The following UNC93A variants were observed in gnomAD, a reference collection of about 807,000 sequenced individuals.
UNC93A encodes unc-93 homolog A.
Under a neutral mutation model 47.5 loss-of-function variants are expected in UNC93A, and 43 were observed. The observed-to-expected ratio is 0.91, with a 90% confidence interval of 0.71 to 1.17. The LOEUF (loss-of-function observed/expected upper bound fraction) is 1.17. UNC93A is among the 50% of genes most tolerant of loss of function. UNC93A has a pLI of 0.00. For synonymous variants in UNC93A, 280 were observed against 258.0 expected (o/e 1.09, Z -0.82); for missense variants, 605 against 577.6 (o/e 1.05, Z -0.49).
At chr6:167,275,632 G>C (rs895487745) in intron 1 of UNC93A, among the ~76,000 whole-genome samples, 5 of 152,206 alleles carry the variant, frequency 3.3e-5, no homozygotes, top group African/African-American at 1.2e-4. Context: ...GGCAGGCCTG[G>C]CTCTGCATGA....
chr6:167,296,198 C>T lies in UNC93A; in HGVS notation c.436C>T (p.Gln146Ter), dbSNP rs267600892. 2.5e-6 allele frequency: 4 copies of T among 1,614,226 alleles called. No homozygotes were observed. The highest frequency in any genetic ancestry group is 3.4e-6 in the Non-Finnish European group (4 of 1,180,048). The change falls in exon 3 of 8, where the codon CAG becomes TAG. Residue 146 changes from glutamine to a stop codon, truncating the protein, a stop_gained. Transcript: ENST00000230256. LOFTEE classifies it high-confidence loss of function. ...TTTTGGCATCTTCTTCCTCATATTC[C>T]AGTCATCCGGTGTGTGGGGCAACTT... ...QYFGIFFLIF[Q>*]SSGVWGNLIS...
Position 167,291,482 on chromosome 6 carries a change from C to T in UNC93A, c.-8C>T. On this transcript the variant is annotated 5_prime_UTR_variant, in exon 1 of 8. Coordinates refer to ENST00000230256, the MANE Select transcript of UNC93A (RefSeq NM_018974.4). ...GTTCACTGGTGATTGATCTTTTCATCCAGCACAATGGACAGAAGTCTAAGG... is the reference window on the plus strand; with the variant it reads ...GTTCACTGGTGATTGATCTTTTCATTCAGCACAATGGACAGAAGTCTAAGG... 2 of 1,609,968 alleles carry T rather than the reference C, an allele frequency of 1.2e-6. No individual in the cohort carries two copies. Among genetic ancestry groups the T allele is most frequent in the Non-Finnish European group, 1.7e-6 (2 of 1,178,892 alleles).
intron 7 of UNC93A, among the ~76,000 whole-genome samples, chr6:167,310,140 G>A: frequency 6.6e-6 from 1 of 152,236 alleles, no homozygotes; most frequent in Non-Finnish European, 1.5e-5. Flanking sequence ...TCCCCTGGAT[G>A]TGTGGCAGAG....
chr6:167,309,526 C>T (rs1379724592), intron 7 of UNC93A, among the ~76,000 whole-genome samples: 1 of 152,036 alleles, frequency 6.6e-6, no homozygotes, highest in African/African-American at 2.4e-5. Flanking sequence ...CACATGAGAC[C>T]CTCTTCCCTT....
upstream of UNC93A, among the ~76,000 whole-genome samples, chr6:167,286,941 G>T (rs1161713528): frequency 1.5e-5 from 2 of 137,058 alleles, no homozygotes; most frequent in South Asian, 2.3e-4. Context: ...TCGCGCCACT[G>T]CACTCCAGCC....
At chr6:167,295,091 G>A (rs1019774091) in intron 2 of UNC93A, among the ~76,000 whole-genome samples, 2 of 152,254 alleles carry the variant, frequency 1.3e-5, no homozygotes, top group African/African-American at 2.4e-5. Context: ...GCTGCACCTC[G>A]CCCACCATTA....
chr6:167,291,323 G>A lies in UNC93A; in HGVS notation c.-167G>A, dbSNP rs1453677368. 1.1e-5 allele frequency: 6 copies of A among 534,104 alleles called. No homozygotes were observed. Among genetic ancestry groups the A allele is most frequent in the Non-Finnish European group, 1.9e-5 (6 of 308,860 alleles). 33.1% of individuals were successfully genotyped at this position (534,104 alleles called of 1,614,324 possible). A position where few individuals can be genotyped will look rare whatever the true frequency, so the allele number is the denominator to read the frequency against. On this transcript the variant is annotated 5_prime_UTR_variant, in exon 1 of 8. In the 5' UTR this introduces an upstream ATG that the reference lacks. Transcript: ENST00000230256. ...CAGTGATAACCAAGTTCATTAACGA[G>A]TGACAGTCTTAATGACTAACACACC...
intron 7 of UNC93A, among the ~76,000 whole-genome samples, chr6:167,313,203 C>A (rs1380246215): frequency 6.6e-6 from 1 of 152,176 alleles, no homozygotes; most frequent in South Asian, 2.1e-4. Flanking sequence ...CCTTCTGGGT[C>A]CCCAAGTCCT....
At chr6:167,302,506 CAG>C (rs1475765352) in intron 4 of UNC93A, among the ~76,000 whole-genome samples, 4 of 152,092 alleles carry the variant, frequency 2.6e-5, no homozygotes, top group Non-Finnish European at 5.9e-5. Context: ...GGGAGGAAAA[CAG>C]TGGAGATGCA....
chr6:167,292,901 CA>C (rs1783873221), intron 1 of UNC93A, among the ~76,000 whole-genome samples: 1 of 152,020 alleles, frequency 6.6e-6, no homozygotes, highest in African/African-American at 2.4e-5. Context: ...CTGGGGTCAG[CA>C]TTCCTAGGAA....
chr6:167,274,447 G>A (rs1290858572), intron 1 of UNC93A, among the ~76,000 whole-genome samples: 1 of 152,148 alleles, frequency 6.6e-6, no homozygotes, highest in East Asian at 1.9e-4. Context: ...TCTTCAGGAA[G>A]CGTCATCCTG....
chr6:167,292,535 T>C (rs1271291725), intron 1 of UNC93A, among the ~76,000 whole-genome samples: 1 of 152,186 alleles, frequency 6.6e-6, no homozygotes, highest in East Asian at 1.9e-4. Flanking sequence ...AAGTAATGTT[T>C]CCTTTTGCTG....
chr6:167,275,041 T>C (rs1783516560), intron 1 of UNC93A, among the ~76,000 whole-genome samples: 1 of 152,198 alleles, frequency 6.6e-6, no homozygotes, highest in African/African-American at 2.4e-5. Flanking sequence ...GCTTTTCCAA[T>C]GGCAGCAACA....
At chr6:167,285,929 T>C (rs966976405) in intron 1 of UNC93A, among the ~76,000 whole-genome samples, 15 of 145,270 alleles carry the variant, frequency 1.0e-4, no homozygotes, top group African/African-American at 3.9e-4. Flanking sequence ...AGTGAAGAGT[T>C]AGTTTTCTTT....
rs79973141 is a variant in UNC93A, at chr6:167,271,799, G to T, written c.-52+341G>T. 2.1e-3 allele frequency among the ~76,000 whole-genome samples: 318 copies of T among 152,326 alleles called. 2 individuals are homozygous for T. The highest frequency in any genetic ancestry group is 6.7e-3 in the African/African-American group (278 of 41,554). On this transcript the variant is annotated intron_variant, in intron 1 of 3. Transcript: ENST00000503433. ...CCAAGGGTTTATTAGAACTTGGGCT[G>T]ATAGAGCTTCTAAACAAAATAATGA...
intron 1 of UNC93A, among the ~76,000 whole-genome samples, chr6:167,282,874 G>A (rs1783656841): frequency 6.6e-6 from 1 of 152,140 alleles, no homozygotes; most frequent in Non-Finnish European, 1.5e-5. Flanking sequence ...GGGCTTCCGG[G>A]TCAGAGGTGA....
chr6:167,301,044 C>A (rs76921372), intron 4 of UNC93A, among the ~76,000 whole-genome samples: 14 of 152,348 alleles, frequency 9.2e-5, no homozygotes, highest in African/African-American at 3.1e-4. Flanking sequence ...AATGAGCATG[C>A]CTGCATGCCA....
intron 1 of UNC93A, among the ~76,000 whole-genome samples, chr6:167,275,246 C>T (rs1783519807): frequency 6.6e-6 from 1 of 152,246 alleles, no homozygotes. Flanking sequence ...GCCTGTCATT[C>T]TGCCACGTCC....
At chr6:167,310,600 G>A (rs1263795671) in intron 7 of UNC93A, among the ~76,000 whole-genome samples, 6 of 152,162 alleles carry the variant, frequency 3.9e-5, no homozygotes, top group African/African-American at 1.4e-4. Context: ...AACCAAACTG[G>A]CCGGGTGCGG....
Sources: allele counts gnomAD v4.1 joint callset (sites outside exome capture counted in the v4.1 genomes callset), GRCh38; gene constraint gnomAD v4.1.1; transcripts MANE v1.5; gene names NCBI Gene and HGNC (gene_info 2026-07-23, HGNC 2026-07-21).